The following SUGCT variants were observed in gnomAD, a reference collection of about 807,000 sequenced individuals.
The protein encoded by SUGCT is succinyl-CoA:glutarate-CoA transferase, also known as succinyl-CoA:glutarate CoA-transferase.
A neutral mutation model predicts 55.0 loss-of-function variants in SUGCT; 41 were observed. The ratio of observed to expected loss-of-function variants is 0.74; its 90% CI spans 0.58 to 0.97. The LOEUF (loss-of-function observed/expected upper bound fraction) is 0.97. Ranked by LOEUF, SUGCT falls within the 50% of genes least tolerant of loss-of-function variation. The pLI is 0.00. For synonymous variants in SUGCT, 187 were observed against 200.4 expected (o/e 0.93, Z 0.56); for missense variants, 568 against 547.8 (o/e 1.04, Z -0.37).
intron 8 of SUGCT, among the ~76,000 whole-genome samples, chr7:40,316,063 A>G (rs540186630): frequency 1.3e-5 from 2 of 152,316 alleles, no homozygotes; most frequent in South Asian, 2.1e-4. Flanking sequence ...GACCCCTTTA[A>G]TAGATCGGCA....
chr7:40,301,294 CT>C (rs1794522966), intron 8 of SUGCT, among the ~76,000 whole-genome samples: 1 of 152,144 alleles, frequency 6.6e-6, no homozygotes, highest in African/African-American at 2.4e-5. Flanking sequence ...ATTTTTAAAA[CT>C]TTCAAATAAA....
rs1793676627 is a variant in SUGCT at position 40,523,860 on chromosome 7, TA to T, written c.1089+27475del. 3.3e-5 allele frequency among the ~76,000 whole-genome samples: 5 copies of T among 152,242 alleles called. No homozygotes were observed. In the South Asian group the frequency reaches 1.0e-3, roughly 32 times the overall value. On this transcript the variant is annotated intron_variant, in intron 12 of 13. Transcript: ENST00000335693. ...CTAGTTTTTAACTACTGTGGCTACATAGTACAGTAGTAGGCCAAATTTTCTC... is the reference window on the plus strand; with the variant it reads ...CTAGTTTTTAACTACTGTGGCTACATGTACAGTAGTAGGCCAAATTTTCTC...
intron 8 of SUGCT, among the ~76,000 whole-genome samples, chr7:40,277,307 G>A (rs1440693164): frequency 2.0e-5 from 3 of 151,650 alleles, no homozygotes; most frequent in African/African-American, 4.8e-5. Context: ...TCAGCCTCCC[G>A]AGTAACTGGG....
At chr7:40,443,737 T>C (rs1342387231) in intron 9 of SUGCT, among the ~76,000 whole-genome samples, 1 of 152,200 alleles carries the variant, frequency 6.6e-6, no homozygotes, top group East Asian at 1.9e-4. Flanking sequence ...TTAGATCCCA[T>C]TTGTCAGTTT....
chr7:40,168,857 C>T (rs1784541838), intron 1 of SUGCT, among the ~76,000 whole-genome samples: 1 of 151,958 alleles, frequency 6.6e-6, no homozygotes, highest in African/African-American at 2.4e-5. Flanking sequence ...CTCTAGGGGT[C>T]CTTCTATAAG....
At chr7:40,167,198 TA>T (rs1438779225) in intron 1 of SUGCT, among the ~76,000 whole-genome samples, 1 of 152,156 alleles carries the variant, frequency 6.6e-6, no homozygotes. Context: ...AGTGTACTCA[TA>T]AAAATGCAAC....
intron 7 of SUGCT, among the ~76,000 whole-genome samples, chr7:40,261,175 T>C (rs1431629969): frequency 2.0e-5 from 3 of 152,236 alleles, no homozygotes; most frequent in Non-Finnish European, 4.4e-5. Context: ...ATGTCTGTTT[T>C]AATCTATTTT....
chr7:40,385,256 G>A (rs1315176816), intron 9 of SUGCT, among the ~76,000 whole-genome samples: 2 of 152,162 alleles, frequency 1.3e-5, no homozygotes, highest in Non-Finnish European at 1.5e-5. Flanking sequence ...GGGCTTTGGA[G>A]TTCATGGTTG....
chr7:40,181,792 T>C (rs1785228732), intron 2 of SUGCT, among the ~76,000 whole-genome samples, 163 bp from the exon 3 acceptor site: 1 of 151,842 alleles, frequency 6.6e-6, no homozygotes. Flanking sequence ...AGGGGATATA[T>C]ATTTTTAAAG....
At chr7:40,467,730 G>A (rs909659290) in intron 11 of SUGCT, among the ~76,000 whole-genome samples, 1 of 151,912 alleles carries the variant, frequency 6.6e-6, no homozygotes, top group African/African-American at 2.4e-5. Context: ...TGTTTACAAA[G>A]TTATTTTTAA....
At chr7:40,776,493 A>G (rs1789460908) in intron 13 of SUGCT, among the ~76,000 whole-genome samples, 1 of 152,124 alleles carries the variant, frequency 6.6e-6, no homozygotes, top group Non-Finnish European at 1.5e-5. Context: ...GAAAAACTCT[A>G]CTTCTTGGAT....
chr7:40,475,565 A>G (rs1370691482), intron 11 of SUGCT, among the ~76,000 whole-genome samples: 2 of 152,098 alleles, frequency 1.3e-5, no homozygotes, highest in East Asian at 3.9e-4. Flanking sequence ...AATTCTTACT[A>G]TTTCCTTTTC....
chr7:40,996,958 C>A, the SUGCT span, among the ~76,000 whole-genome samples: 25 of 152,254 alleles, frequency 1.6e-4, 1 homozygote, highest in East Asian at 4.8e-3. Flanking sequence ...ATGAGTAAAA[C>A]CCCAAACTGA....
intron 6 of SUGCT, among the ~76,000 whole-genome samples, chr7:40,219,018 G>A (rs766584642): frequency 2.6e-5 from 4 of 152,158 alleles, no homozygotes; most frequent in African/African-American, 4.8e-5. Context: ...CTTTGGGTCC[G>A]CACTACCTTT....
At chr7:40,147,274 A>C (rs541360705) in intron 1 of SUGCT, among the ~76,000 whole-genome samples, 2 of 151,614 alleles carry the variant, frequency 1.3e-5, no homozygotes, top group Non-Finnish European at 2.9e-5. Flanking sequence ...GTGAGGTTCA[A>C]CCCCCTCCCC....
chr7:40,927,121 G>T, the SUGCT span, among the ~76,000 whole-genome samples: 249 of 152,204 alleles, frequency 1.6e-3, no homozygotes, highest in Non-Finnish European at 2.3e-3. Context: ...TGTATATGTG[G>T]CATGGCAAAT....
chr7:40,801,828 T>C (rs955845542), intron 13 of SUGCT, among the ~76,000 whole-genome samples: 1 of 152,000 alleles, frequency 6.6e-6, no homozygotes, highest in Non-Finnish European at 1.5e-5. Flanking sequence ...GCTCAGGCCC[T>C]CTGGGTCAGG....
intron 12 of SUGCT, among the ~76,000 whole-genome samples, chr7:40,675,015 C>A (rs1446153290): frequency 6.6e-6 from 1 of 151,466 alleles, no homozygotes; most frequent in Non-Finnish European, 1.5e-5. Context: ...AGAATCTCTC[C>A]TCCTGTTAGA....
chr7:40,205,724 G>C (rs965864155), intron 6 of SUGCT, among the ~76,000 whole-genome samples: 153 of 151,000 alleles, frequency 1.0e-3, no homozygotes, highest in African/African-American at 3.6e-3. Flanking sequence ...GGATATGCAA[G>C]TACCCTCTCA....
Sources: allele counts gnomAD v4.1 joint callset (sites outside exome capture counted in the v4.1 genomes callset), GRCh38; gene constraint gnomAD v4.1.1; transcripts MANE v1.5; gene names NCBI Gene and HGNC (gene_info 2026-07-23, HGNC 2026-07-21).